PHF14: variants seen among roughly 807,000 people sequenced by gnomAD.
The protein encoded by PHF14 is PHD finger protein 14.
A neutral mutation model predicts 117.9 loss-of-function variants in PHF14; 55 were observed. That is an observed-to-expected ratio of 0.47 (90% CI 0.38 to 0.58). The LOEUF (loss-of-function observed/expected upper bound fraction) is 0.58. PHF14 is among the 20% of genes least tolerant of loss of function. PHF14 has a pLI of 0.00. For missense variants in PHF14, 978 were observed against 1,122.2 expected, an observed-to-expected ratio of 0.87 and a Z score of 1.84; for synonymous variants, 409 against 368.6, an observed-to-expected ratio of 1.11 and a Z score of -1.26.
intron 17 of PHF14, among the ~76,000 whole-genome samples, chr7:11,166,945 CATT>C (rs1278459705): frequency 3.3e-5 from 5 of 152,064 alleles, no homozygotes; most frequent in African/African-American, 1.2e-4. Flanking sequence ...AAAAGACAAA[CATT>C]ATATTAAGAA....
At chr7:11,158,888 A>C (rs1482433821) in intron 17 of PHF14, among the ~76,000 whole-genome samples, 1 of 152,148 alleles carries the variant, frequency 6.6e-6, no homozygotes, top group Non-Finnish European at 1.5e-5. Flanking sequence ...CACTGAAGAC[A>C]TATTAAACAG....
intron 4 of PHF14, among the ~76,000 whole-genome samples, chr7:11,004,764 G>A (rs547463474): frequency 2.6e-4 from 39 of 151,548 alleles, no homozygotes; most frequent in African/African-American, 6.3e-4. Flanking sequence ...GGCTGGGTGC[G>A]GTGGCTCATG....
At chr7:11,038,589 C>T (rs568388302) in intron 10 of PHF14, among the ~76,000 whole-genome samples, 171 bp from the exon 11 acceptor site, 16 of 150,508 alleles carry the variant, frequency 1.1e-4, no homozygotes, top group African/African-American at 3.2e-4. Flanking sequence ...ACCCCAGAGG[C>T]GGAGGTTGTA....
intron 17 of PHF14, among the ~76,000 whole-genome samples, chr7:11,158,655 A>G (rs1003491627): frequency 4.6e-5 from 7 of 152,076 alleles, no homozygotes; most frequent in African/African-American, 1.7e-4. Context: ...TATTTTTGTC[A>G]ATCTAGTATT....
At chr7:10,978,165 T>A (rs1288936218) in intron 2 of PHF14, among the ~76,000 whole-genome samples, 1 of 152,212 alleles carries the variant, frequency 6.6e-6, no homozygotes, top group Non-Finnish European at 1.5e-5. Flanking sequence ...TTAATCTGAC[T>A]TTGAATAAGT....
intron 16 of PHF14, among the ~76,000 whole-genome samples, chr7:11,102,066 G>C (rs1377868088): frequency 5.3e-5 from 8 of 151,708 alleles, no homozygotes; most frequent in African/African-American, 1.9e-4. Context: ...CTTGTTTTCA[G>C]CACAGTTTTA....
At chr7:10,999,948 A>G (rs1782802704) in intron 4 of PHF14, among the ~76,000 whole-genome samples, 1 of 152,258 alleles carries the variant, frequency 6.6e-6, no homozygotes. Context: ...TTTAATTCCT[A>G]AAACTAATTC....
At position 10,982,403 on chromosome 7, in the gene PHF14, TG is replaced by T; in HGVS notation, c.145del (p.Ala49LeufsTer18). On this transcript the variant is annotated frameshift_variant, in exon 3 of 18. Coordinates refer to ENST00000634607, the MANE Select transcript of PHF14 (RefSeq NM_001007157.2). LOFTEE classifies it high-confidence loss of function. ...SEGSGNGSED[A>X]SKDSGEGSCS... ...AAGGGAGTGGTAATGGAAGTGAAGATGCTTCAAAGGACAGTGGAGAAGGTTC... is the reference window on the plus strand; with the variant it reads ...AAGGGAGTGGTAATGGAAGTGAAGATCTTCAAAGGACAGTGGAGAAGGTTC... 6.4e-7 allele frequency: 1 copy of T among 1,568,980 alleles called. No individual in the cohort carries two copies. The highest frequency in any genetic ancestry group is 8.6e-7 in the Non-Finnish European group (1 of 1,165,910).
chr7:11,035,906 A>G (rs1318503912), intron 8 of PHF14, 120 bp downstream of exon 8: 6 of 750,534 alleles, frequency 8.0e-6, no homozygotes, highest in Non-Finnish European at 1.3e-5. Flanking sequence ...GTTACCTAGG[A>G]AATGGATTGT....
At chr7:10,989,257 G>A (rs1005480610) in intron 3 of PHF14, among the ~76,000 whole-genome samples, 1 of 152,106 alleles carries the variant, frequency 6.6e-6, no homozygotes, top group Admixed American at 6.5e-5. Context: ...ACCTTCAAGT[G>A]TATTCAAGTG....
intron 14 of PHF14, chr7:11,061,537 T>C: frequency 7.8e-6 from 2 of 255,880 alleles, no homozygotes; most frequent in Non-Finnish European, 1.5e-5. Context: ...GAATTCATTT[T>C]TTTTCTATCA....
chr7:10,989,028 G>A (rs1370241986), intron 3 of PHF14, among the ~76,000 whole-genome samples: 3 of 152,058 alleles, frequency 2.0e-5, no homozygotes, highest in African/African-American at 7.2e-5. Flanking sequence ...TCTTTAGGAT[G>A]TTTTCAGTTT....
intron 16 of PHF14, among the ~76,000 whole-genome samples, chr7:11,100,882 A>G (rs1458317449): frequency 6.6e-6 from 1 of 151,980 alleles, no homozygotes; most frequent in Non-Finnish European, 1.5e-5. Context: ...CTTTGTTGGG[A>G]CAAAAAAAGT....
At chr7:11,084,625 G>A (rs1273195977) in intron 16 of PHF14, among the ~76,000 whole-genome samples, 7 of 151,546 alleles carry the variant, frequency 4.6e-5, no homozygotes, top group Admixed American at 4.6e-4. Flanking sequence ...TTTCCCTATT[G>A]AAAATTTATT....
chr7:11,122,435 A>G (rs1787803219), intron 17 of PHF14, among the ~76,000 whole-genome samples: 1 of 125,258 alleles, frequency 8.0e-6, no homozygotes, highest in Non-Finnish European at 1.7e-5. Context: ...ACACGTATAT[A>G]TATATACGTA....
chr7:10,985,535 G>A (rs1182613753), intron 3 of PHF14, among the ~76,000 whole-genome samples: 1 of 151,306 alleles, frequency 6.6e-6, no homozygotes, highest in African/African-American at 2.4e-5. Context: ...ATTTTAGCAG[G>A]GCCCTTTTAT....
chr7:11,021,591 G>A (rs556650284), intron 5 of PHF14, among the ~76,000 whole-genome samples: 2 of 152,156 alleles, frequency 1.3e-5, no homozygotes, highest in Admixed American at 1.3e-4. Flanking sequence ...CAGCTGTTAG[G>A]TTTATCAGAG....
chr7:11,145,667 C>G lies in PHF14; in HGVS notation c.2773-23749C>G, dbSNP rs181298599. 1.3e-4 allele frequency among the ~76,000 whole-genome samples: 20 copies of G among 152,138 alleles called. No homozygotes were observed. The East Asian group carries it at 3.7e-3, about 28-fold the overall frequency. On this transcript the variant is annotated intron_variant, in intron 17 of 17. Transcript: ENST00000634607. ...ATACTTCATCGAACTATTTAAAGAACTACTTTTCTGATCAAATAACTATGC... is the reference window on the plus strand; with the variant it reads ...ATACTTCATCGAACTATTTAAAGAAGTACTTTTCTGATCAAATAACTATGC...
intron 12 of PHF14, among the ~76,000 whole-genome samples, chr7:11,041,238 A>C (rs1305106749): frequency 6.6e-6 from 1 of 151,982 alleles, no homozygotes; most frequent in African/African-American, 2.4e-5. Flanking sequence ...CTTGATGCTC[A>C]GTTGCAATCA....
Sources: gnomAD v4.1 joint callset for allele counts (sites outside exome capture counted in the v4.1 genomes callset) on GRCh38, gnomAD v4.1.1 for gene constraint, MANE v1.5 for transcripts, NCBI Gene and HGNC (gene_info 2026-07-23, HGNC 2026-07-21) for gene names.